Variants in SPATC1L observed in about 807,000 individuals in gnomAD.
SPATC1L encodes the protein spermatogenesis and centriole associated 1 like.
A neutral mutation model predicts 21.2 loss-of-function variants in SPATC1L; 20 were observed. That is an observed-to-expected ratio of 0.94 (90% CI 0.66 to 1.37). SPATC1L has a LOEUF of 1.37. Among genes scored for constraint, SPATC1L ranks in the 40% most tolerant of loss-of-function variants. The pLI, the probability that SPATC1L is intolerant of heterozygous loss-of-function variation, is 0.00. For missense variants in SPATC1L, 499 were observed against 478.7 expected, an observed-to-expected ratio of 1.04 and a Z score of -0.40; for synonymous variants, 290 against 234.5, an observed-to-expected ratio of 1.24 and a Z score of -2.16.
At chr21:46,180,389 C>T (rs1460746924) in intron 2 of SPATC1L, among the ~76,000 whole-genome samples, 1 of 152,212 alleles carries the variant, frequency 6.6e-6, no homozygotes, top group African/African-American at 2.4e-5. Flanking sequence ...GCTGCCTTTG[C>T]GGAGGGGGCC....
In SPATC1L at chr21:46,161,214, G is replaced by A. The variant is rs1203886444; in HGVS notation, c.*165C>T. ...GAAGCACTCCGCAGGTGCGGGCAGC[G>A]GCGGGCTGCGGTCGGGGCCCAGCAC... On this transcript the variant is annotated 3_prime_UTR_variant, in exon 5 of 5. Coordinates refer to ENST00000291672, the MANE Select transcript of SPATC1L (RefSeq NM_001142854.2). 5 of 545,906 alleles carry A rather than the reference G, an allele frequency of 9.2e-6. No individual in the cohort carries two copies. The highest frequency in any genetic ancestry group is 4.0e-5 in the African/African-American group (2 of 49,864). 33.8% of individuals were successfully genotyped at this position (545,906 alleles called of 1,614,324 possible).
chr21:46,182,550 C>T (rs2079682548), intron 2 of SPATC1L, 74 bp downstream of exon 2: 2 of 1,364,632 alleles, frequency 1.5e-6, no homozygotes, highest in South Asian at 1.6e-5. Flanking sequence ...CTGGCCGCCA[C>T]CCTCGACTCC....
intron 3 of SPATC1L, among the ~76,000 whole-genome samples, chr21:46,163,267 C>T (rs1462445027): frequency 6.6e-6 from 1 of 152,190 alleles, no homozygotes; most frequent in Non-Finnish European, 1.5e-5. Flanking sequence ...ATGTTTTCTC[C>T]CATTCTCCGG....
chr21:46,162,123 C>G (rs774973556), intron 3 of SPATC1L, 56 bp from the exon 4 acceptor site: 48 of 1,489,516 alleles, frequency 3.2e-5, no homozygotes, highest in Non-Finnish European at 3.9e-5. Context: ...CCACTGCCCT[C>G]GAGGGTGCCC....
chr21:46,164,002 A>ATTGT (rs367633510), intron 3 of SPATC1L, among the ~76,000 whole-genome samples: 36 of 151,832 alleles, frequency 2.4e-4, no homozygotes, highest in African/African-American at 8.5e-4. Context: ...TTATTTATTT[A>ATTGT]TTGTTTGTTT....
chr21:46,162,958 C>T (rs1157043300), intron 3 of SPATC1L, among the ~76,000 whole-genome samples: 3 of 151,854 alleles, frequency 2.0e-5, no homozygotes, highest in Admixed American at 1.3e-4. Context: ...AACCTGCTTC[C>T]GAACCCCCCT....
intron 2 of SPATC1L, 94 bp downstream of exon 2, chr21:46,182,530 C>T (rs908182095): frequency 2.3e-5 from 28 of 1,204,104 alleles, no homozygotes; most frequent in African/African-American, 3.1e-5. Context: ...TGACCTCCCG[C>T]ATCAGGGAGC....
At chr21:46,169,268 T>TGGG (rs199725013) in intron 2 of SPATC1L, among the ~76,000 whole-genome samples, 1 of 127,016 alleles carries the variant, frequency 7.9e-6, no homozygotes, top group Admixed American at 7.8e-5. Context: ...CCTCTGTGGA[T>TGGG]GAGGAGGAGC....
At position 46,183,039 on chromosome 21, in the gene SPATC1L, G is replaced by A; in HGVS notation, c.-223C>T. 1.9e-6 allele frequency: 1 copy of A among 513,788 alleles called. No individual in the cohort carries two copies. Among genetic ancestry groups the A allele is most frequent in the Non-Finnish European group, 3.4e-6 (1 of 296,670 alleles). 31.8% of individuals were successfully genotyped at this position (513,788 alleles called of 1,614,324 possible). The stretch of plus-strand genomic sequence containing the variant: ...TGAGGCAGTGAAGCTGGAGGCCCGT[G>A]GCGTGCACAGGCAGCCACTCCCACA... On this transcript the variant is annotated 5_prime_UTR_variant, in exon 2 of 5. Coordinates refer to ENST00000291672, the MANE Select transcript of SPATC1L (RefSeq NM_001142854.2).
intron 2 of SPATC1L, among the ~76,000 whole-genome samples, chr21:46,178,580 A>C (rs1020728984): frequency 1.3e-5 from 2 of 152,138 alleles, no homozygotes; most frequent in African/African-American, 4.8e-5. Context: ...CCTGAACTTA[A>C]AAGTTTTTTA....
At chr21:46,166,810 G>A in intron 3 of SPATC1L, among the ~76,000 whole-genome samples, 1 of 152,170 alleles carries the variant, frequency 6.6e-6, no homozygotes, top group East Asian at 1.9e-4. Flanking sequence ...TCGAGAGACA[G>A]ACCCCAGTAC....
intron 2 of SPATC1L, among the ~76,000 whole-genome samples, chr21:46,174,509 A>C (rs1254477976): frequency 1.3e-5 from 2 of 152,218 alleles, no homozygotes; most frequent in African/African-American, 2.4e-5. Flanking sequence ...GCAGGGTTGC[A>C]ATCATAGTTT....
At chr21:46,168,278 C>G (rs747415831) in intron 3 of SPATC1L, 30 bp downstream of exon 3, 5 of 1,495,114 alleles carry the variant, frequency 3.3e-6, no homozygotes, top group Non-Finnish European at 4.5e-6. Context: ...CACTGGGGGC[C>G]CCCCCAGGTG....
In SPATC1L at chr21:46,168,535, C is replaced by G; in HGVS notation, c.317G>C (p.Cys106Ser). The G allele has an allele frequency of 1.3e-6, 2 of 1,529,528 alleles. No homozygotes were observed. Among genetic ancestry groups the G allele is most frequent in the Non-Finnish European group, 1.8e-6 (2 of 1,129,884 alleles). The allele number at this position is 1,529,528 out of a possible 1,614,324, so 94.7% of individuals were successfully genotyped here. ...GAAGGGTGCCTGGGAGGGGGCTGCA[C>G]AGCCCGGGGAGGTGTCGTCCTCGCT... ...LSSEDDTSPG[C>S]AAPSQAPFKA... The change falls in exon 3 of 5, where the codon TGT becomes TCT. Residue 106 changes from cysteine to serine, a missense_variant. By Grantham distance (112) the Cys-to-Ser change is moderately radical. Coordinates refer to ENST00000291672, the MANE Select transcript of SPATC1L (RefSeq NM_001142854.2).
chr21:46,177,986 T>C (rs1449516501), intron 2 of SPATC1L, among the ~76,000 whole-genome samples: 2 of 151,960 alleles, frequency 1.3e-5, no homozygotes, highest in East Asian at 1.9e-4. Context: ...GTAATCCCAG[T>C]ACTTTGGGAG....
chr21:46,180,471 T>C lies in SPATC1L; in HGVS notation c.193+2153A>G, dbSNP rs1006118171. ...TAAGTTTACCATGAGCACGTGTTGTTGAATCCGTAAGAAAAGCAGGTTTTT... is the reference window on the plus strand; with the variant it reads ...TAAGTTTACCATGAGCACGTGTTGTCGAATCCGTAAGAAAAGCAGGTTTTT... On this transcript the variant is annotated intron_variant, in intron 2 of 4. Transcript: ENST00000291672. 3.9e-5 allele frequency among the ~76,000 whole-genome samples: 6 copies of C among 152,222 alleles called. No individual in the cohort carries two copies. The South Asian group carries it at 1.0e-3, about 26-fold the overall frequency.
chr21:46,162,133 C>T (rs2079503598), intron 3 of SPATC1L, 66 bp from the exon 4 acceptor site: 1 of 1,471,490 alleles, frequency 6.8e-7, no homozygotes, highest in Non-Finnish European at 9.0e-7. Context: ...CGAGGGTGCC[C>T]TCGGCCACGT....
chr21:46,167,416 T>G (rs1302762107), intron 3 of SPATC1L, among the ~76,000 whole-genome samples: 1 of 151,940 alleles, frequency 6.6e-6, no homozygotes, highest in Non-Finnish European at 1.5e-5. Flanking sequence ...AAATCCAAAA[T>G]TAGAAGAAAA....
chr21:46,175,025 T>C (rs2079622591), intron 2 of SPATC1L, among the ~76,000 whole-genome samples: 1 of 152,186 alleles, frequency 6.6e-6, no homozygotes, highest in Non-Finnish European at 1.5e-5. Context: ...ACCACACAAT[T>C]ACATGGAAAT....
Sources: gnomAD v4.1 joint callset for allele counts (sites outside exome capture counted in the v4.1 genomes callset) on GRCh38, gnomAD v4.1.1 for gene constraint, MANE v1.5 for transcripts, NCBI Gene and HGNC (gene_info 2026-07-23, HGNC 2026-07-21) for gene names.